The following OR51B5 variants were observed in gnomAD, a reference collection of about 807,000 sequenced individuals.
OR51B5 encodes the protein olfactory receptor family 51 subfamily B member 5.
For missense variants in OR51B5, 456 were observed against 374.6 expected, an observed-to-expected ratio of 1.22 and a Z score of -1.79; for synonymous variants, 186 against 144.8, an observed-to-expected ratio of 1.28 and a Z score of -2.04.
chr11:5,357,866 C>A (rs1333718307), intron 1 of OR51B5, among the ~76,000 whole-genome samples: 4 of 151,678 alleles, frequency 2.6e-5, no homozygotes, highest in African/African-American at 9.7e-5. Context: ...TACATGGAAA[C>A]CGAACAAATT....
chr11:5,504,040 G>A lies in OR51B5; in HGVS notation n.84+1529C>T, dbSNP rs12287544. The stretch of plus-strand genomic sequence containing the variant: ...GCTAAAGGACTATTGTGTGGAATCC[G>A]ATGGTAAAAGCTTGGAACAGAGCCT... On this transcript the variant is annotated intron_variant and non_coding_transcript_variant, in intron 1 of 4. Coordinates refer to the OR51B5 transcript ENST00000415970. Among the ~76,000 whole-genome samples the A allele has an allele frequency of 5.2e-3, 789 of 152,220 alleles. 5 individuals are homozygous for A. The highest frequency in any genetic ancestry group is 0.01 in the Middle Eastern group (3 of 294).
chr11:5,418,047 C>T (rs907488548), intron 1 of OR51B5, among the ~76,000 whole-genome samples: 2 of 148,578 alleles, frequency 1.3e-5, no homozygotes, highest in African/African-American at 4.9e-5. Flanking sequence ...AAATGTGGCA[C>T]ATATACACCA....
chr11:5,378,476 T>C (rs1174110807), intron 1 of OR51B5, among the ~76,000 whole-genome samples: 1 of 152,074 alleles, frequency 6.6e-6, no homozygotes, highest in African/African-American at 2.4e-5. Flanking sequence ...CTAATGAAAC[T>C]AAAGAGCTTC....
At chr11:5,401,878 T>TC in intron 1 of OR51B5, among the ~76,000 whole-genome samples, 1 of 48,476 alleles carries the variant, frequency 2.1e-5, no homozygotes, top group South Asian at 7.2e-4. Flanking sequence ...CCTTCCTTCC[T>TC]TTTCTCTCTC....
intron 1 of OR51B5, among the ~76,000 whole-genome samples, chr11:5,421,412 G>C (rs1850335032): frequency 6.6e-6 from 1 of 152,226 alleles, no homozygotes; most frequent in African/African-American, 2.4e-5. Flanking sequence ...CACATGACTT[G>C]TTAGAACATA....
chr11:5,446,352 G>C (rs1982989), intron 1 of OR51B5, among the ~76,000 whole-genome samples: 73,945 of 151,740 alleles, frequency 0.49, 19,480 homozygotes, highest in Non-Finnish European at 0.59. Context: ...GTAGAATTTA[G>C]GTCATAAGTA....
Position 5,480,285 on chromosome 11 carries a change from A to C in OR51B5, n.84+25284T>G, listed in dbSNP as rs1455192929. 1.3e-3 allele frequency among the ~76,000 whole-genome samples: 194 copies of C among 151,490 alleles called. 5 individuals are homozygous for C. In the South Asian group the frequency reaches 0.04, roughly 31 times the overall value. On this transcript the variant is annotated intron_variant and non_coding_transcript_variant, in intron 1 of 4. Transcript: ENST00000415970. ...GGATACATAACGAAATGAAGGCAGAAATAAAGATGTTCTTTGAAACCAACG... is the reference window on the plus strand; with the variant it reads ...GGATACATAACGAAATGAAGGCAGACATAAAGATGTTCTTTGAAACCAACG...
chr11:5,422,666 C>T (rs748060376), intron 1 of OR51B5: 3 of 1,614,098 alleles, frequency 1.9e-6, no homozygotes, highest in Non-Finnish European at 2.5e-6. Context: ...CTGCTGTGTT[C>T]TGGCGGTTCT....
At chr11:5,379,036 A>G (rs1325776489) in intron 1 of OR51B5, among the ~76,000 whole-genome samples, 3 of 151,100 alleles carry the variant, frequency 2.0e-5, no homozygotes, top group East Asian at 3.8e-4. Context: ...GGTACTATTC[A>G]CAATAGCAAA....
intron 1 of OR51B5, among the ~76,000 whole-genome samples, chr11:5,478,981 T>C (rs907331600): frequency 2.6e-5 from 4 of 151,890 alleles, no homozygotes; most frequent in African/African-American, 7.3e-5. Flanking sequence ...GCAAGGCAGG[T>C]CAACGTTCAG....
intron 1 of OR51B5, among the ~76,000 whole-genome samples, chr11:5,386,836 G>A (rs1257314199): frequency 1.6e-5 from 2 of 123,482 alleles, no homozygotes; most frequent in Admixed American, 1.6e-4. Flanking sequence ...GTTGAGTAGA[G>A]CATCAGCTCA....
intron 1 of OR51B5, among the ~76,000 whole-genome samples, chr11:5,354,277 A>G (rs1010663868): frequency 2.6e-5 from 4 of 152,204 alleles, no homozygotes; most frequent in Non-Finnish European, 2.9e-5. Context: ...AGCCACATCA[A>G]AGAAAATCTT....
chr11:5,442,431 C>T (rs1180935675), intron 1 of OR51B5, among the ~76,000 whole-genome samples: 1 of 152,154 alleles, frequency 6.6e-6, no homozygotes, highest in Non-Finnish European at 1.5e-5. Flanking sequence ...TTTCTTGTCA[C>T]TCCTTCAGAG....
At chr11:5,445,832 C>G (rs558764863) in intron 1 of OR51B5, among the ~76,000 whole-genome samples, 5 of 151,898 alleles carry the variant, frequency 3.3e-5, no homozygotes, top group Non-Finnish European at 7.4e-5. Context: ...GTTGTTACAA[C>G]TTACTTTGAA....
At chr11:5,347,993 G>A (rs1286650692), upstream of OR51B5, among the ~76,000 whole-genome samples, 1 of 152,096 alleles carries the variant, frequency 6.6e-6, no homozygotes, top group African/African-American at 2.4e-5. Context: ...AAAGTTTCAG[G>A]TCAGTGAGGG....
chr11:5,480,007 C>A (rs1418357999), intron 1 of OR51B5, among the ~76,000 whole-genome samples: 1 of 150,250 alleles, frequency 6.7e-6, no homozygotes, highest in African/African-American at 2.4e-5. Context: ...CTGCACCAAG[C>A]AGACCTAATA....
At chr11:5,401,219 T>C (rs532438194) in intron 1 of OR51B5, among the ~76,000 whole-genome samples, 1 of 152,366 alleles carries the variant, frequency 6.6e-6, no homozygotes, top group East Asian at 1.9e-4. Context: ...GTTGCCGTAG[T>C]GTATTCAGCA....
intron 1 of OR51B5, chr11:5,354,754 GA>G: frequency 5.4e-6 from 1 of 184,576 alleles, no homozygotes; most frequent in Non-Finnish European, 1.1e-5. Context: ...CCACTCACAG[GA>G]AAACGTCCTC....
At position 5,342,751 on chromosome 11, in the gene OR51B5, CAGAGACAATCCAATCACTG is replaced by C. The variant is rs1236772251; in HGVS notation, c.755_773del (p.Thr252ArgfsTer17). On this transcript the variant is annotated frameshift_variant, in exon 1 of 1. Transcript: ENST00000300773. LOFTEE classifies it low-confidence loss of function (END_TRUNC). ...GAACCTGCTTTCCAAAACGATGAATCAGAGACAATCCAATCACTGTGACATAAAAAACCAGGACACAGCA... is the reference window on the plus strand; with the variant it reads ...GAACCTGCTTTCCAAAACGATGAATCTGACATAAAAAACCAGGACACAGCA... 21 of 1,613,710 alleles carry C rather than the reference CAGAGACAATCCAATCACTG, an allele frequency of 1.3e-5. No homozygotes were observed. The highest frequency in any genetic ancestry group is 1.8e-5 in the Non-Finnish European group (21 of 1,179,752).
Sources: gnomAD v4.1 joint callset for allele counts (sites outside exome capture counted in the v4.1 genomes callset) on GRCh38, gnomAD v4.1.1 for gene constraint, MANE v1.5 for transcripts, NCBI Gene and HGNC (gene_info 2026-07-23, HGNC 2026-07-21) for gene names.